ZNF605: variants seen among roughly 807,000 people sequenced by gnomAD.
ZNF605 encodes the protein zinc finger protein 605.
ZNF605 carries 9 observed loss-of-function variants against 7.9 expected under a neutral mutation model. The observed-to-expected ratio is 1.14, with a 90% CI of 0.68 to 1.98. The LOEUF is 1.98. Among genes scored for constraint, ZNF605 ranks in the 30% most tolerant of loss-of-function variants. The pLI is 0.00. For missense variants in ZNF605, 673 were observed against 762.4 expected (o/e 0.88, Z 1.38); for synonymous variants, 255 against 260.1 (o/e 0.98, Z 0.19).
chr12:132,939,073 G>C (rs1237657965), intron 3 of ZNF605, among the ~76,000 whole-genome samples: 1 of 151,636 alleles, frequency 6.6e-6, no homozygotes, highest in East Asian at 1.9e-4. Flanking sequence ...CAGCCTCCCT[G>C]ACGAGCACCA....
rs907038191 is a variant in ZNF605, at chr12:132,926,875, A to G, written c.424T>C (p.Tyr142His). The G allele has an allele frequency of 6.2e-7, 1 of 1,614,196 alleles. No homozygotes were observed. The highest frequency in any genetic ancestry group is 2.2e-5 in the East Asian group (1 of 44,886). ...TTTCTACATGTACTGCAATCACAGT[A>G]TTTTATCCCACCATGGGTTCTGCCA... ...KPGRTHGGIKYCDCSTCRKSS... is the reference protein window; with the variant it reads ...KPGRTHGGIKHCDCSTCRKSS... The change falls in exon 5 of 5, where the codon TAC becomes CAC. Residue 142 changes from tyrosine to histidine, a missense_variant. Physicochemically the swap from Tyr to His is moderately conservative, Grantham distance 83. Coordinates refer to ENST00000360187, the MANE Select transcript of ZNF605 (RefSeq NM_183238.4).
chr12:132,938,013 C>T (rs1179388593), intron 3 of ZNF605, among the ~76,000 whole-genome samples: 1 of 152,130 alleles, frequency 6.6e-6, no homozygotes, highest in Non-Finnish European at 1.5e-5. Flanking sequence ...GGGAGTCTCG[C>T]TCTGTCGCCC....
rs1952602729 is a variant in ZNF605 at position 132,953,957 on chromosome 12, C to G, written c.-286+2286G>C. 2.6e-5 allele frequency among the ~76,000 whole-genome samples: 4 copies of G among 152,070 alleles called. No individual in the cohort carries two copies. The South Asian group carries it at 8.3e-4, about 32-fold the overall frequency. On this transcript the variant is annotated intron_variant, in intron 1 of 4. Transcript: ENST00000360187. ...TCAGTCATTCAGTCATCTCTGGTACCCGGTCACTAATACAAACAAGCTCCT... is the reference window on the plus strand; with the variant it reads ...TCAGTCATTCAGTCATCTCTGGTACGCGGTCACTAATACAAACAAGCTCCT...
rs1952196884 is a variant in ZNF605, at chr12:132,920,631, T to C, written c.*4742A>G. The C allele has an allele frequency of 1.3e-5, 2 of 151,954 alleles. No homozygotes were observed. Among genetic ancestry groups the C allele is most frequent in the Admixed American group, 1.3e-4 (2 of 15,246 alleles). 9.4% of individuals were successfully genotyped at this position (151,954 alleles called of 1,614,324 possible). ...AATTTAAATTAATATGGTGATGGAG[T>C]GTGTGGCGTTGGAAGAAAACTTGTT... On this transcript the variant is annotated 3_prime_UTR_variant, in exon 5 of 5. Coordinates refer to ENST00000360187, the MANE Select transcript of ZNF605 (RefSeq NM_183238.4).
At chr12:132,947,988 G>A (rs916487164) in intron 2 of ZNF605, among the ~76,000 whole-genome samples, 160 bp downstream of exon 2, 2 of 152,030 alleles carry the variant, frequency 1.3e-5, no homozygotes, top group East Asian at 1.9e-4. Flanking sequence ...AAGTGCAGGC[G>A]GTATCTTTTC....
chr12:132,938,042 G>A (rs752249997), intron 3 of ZNF605, among the ~76,000 whole-genome samples: 54 of 152,032 alleles, frequency 3.6e-4, no homozygotes, highest in Admixed American at 5.9e-4. Context: ...GTGCAGTGGC[G>A]CGATCTCGGC....
At chr12:132,955,464 A>T (rs1312058023) in intron 1 of ZNF605, among the ~76,000 whole-genome samples, 1 of 152,180 alleles carries the variant, frequency 6.6e-6, no homozygotes, top group Non-Finnish European at 1.5e-5. Context: ...CCAGTCACCG[A>T]TGAGGCAAGC....
chr12:132,933,164 G>A lies in ZNF605; in HGVS notation c.16-9C>T. On this transcript the variant is annotated splice_polypyrimidine_tract_variant and intron_variant, in intron 3 of 4. Coordinates refer to ENST00000360187, the MANE Select transcript of ZNF605 (RefSeq NM_183238.4). The surrounding 1 kb of genome is among the most constrained non-coding windows in gnomAD (Gnocchi z 4.4). ...ACATCCTCAAATGATATCTGGAAAAGCATAATCCCTGTTAAACCTGAAGTG... is the reference window on the plus strand; with the variant it reads ...ACATCCTCAAATGATATCTGGAAAAACATAATCCCTGTTAAACCTGAAGTG... 6.3e-7 allele frequency: 1 copy of A among 1,599,562 alleles called. No individual in the cohort carries two copies. The highest frequency in any genetic ancestry group is 8.5e-7 in the Non-Finnish European group (1 of 1,173,358).
chr12:132,930,875 C>G (rs75758741), intron 4 of ZNF605, among the ~76,000 whole-genome samples: 5,965 of 152,136 alleles, frequency 0.039, 371 homozygotes, highest in African/African-American at 0.13. Flanking sequence ...GTGCATTATG[C>G]CTCACCCCTG....
chr12:132,939,361 TTA>T (rs1417158550), intron 3 of ZNF605, among the ~76,000 whole-genome samples: 3 of 151,638 alleles, frequency 2.0e-5, no homozygotes, highest in Admixed American at 6.6e-5. Context: ...TGGAGAACCT[TTA>T]TGTCTAGCTC....
At chr12:132,944,096 T>C (rs1952473822) in intron 3 of ZNF605, among the ~76,000 whole-genome samples, 1 of 152,204 alleles carries the variant, frequency 6.6e-6, no homozygotes, top group African/African-American at 2.4e-5. Context: ...TGAGCACATC[T>C]CCCTGTGACT....
Position 132,927,037 on chromosome 12 carries a change from C to T in ZNF605, c.262G>A (p.Val88Ile). The change falls in exon 5 of 5, where the codon GTA becomes ATA. Residue 88 changes from valine (V) to isoleucine (I), a missense_variant. Val to Ile is a conservative substitution (Grantham distance 29, BLOSUM62 3). Transcript: ENST00000360187. The part of the protein sequence containing the change: ...IFNSSINIVH[V>I]GLRSHKCGTG... ...CCACATTTATGGGATCGCAGTCCTA[C>T]ATGAACAATGTTTATGCTTGAATTA... 1 of 1,609,008 alleles carries T rather than the reference C, an allele frequency of 6.2e-7. No homozygotes were observed. The highest frequency in any genetic ancestry group is 8.5e-7 in the Non-Finnish European group (1 of 1,179,908).
intron 3 of ZNF605, among the ~76,000 whole-genome samples, chr12:132,940,090 C>T (rs1162067607): frequency 6.6e-6 from 1 of 152,182 alleles, no homozygotes; most frequent in Non-Finnish European, 1.5e-5. Flanking sequence ...GTCAGTGAGA[C>T]CAAGAACCCA....
At chr12:132,943,178 C>G (rs1381448796) in intron 3 of ZNF605, among the ~76,000 whole-genome samples, 1 of 151,894 alleles carries the variant, frequency 6.6e-6, no homozygotes, top group Non-Finnish European at 1.5e-5. Flanking sequence ...CTGGCTAACA[C>G]AGTGAAACCT....
At chr12:132,954,001 C>G (rs1202419601) in intron 1 of ZNF605, among the ~76,000 whole-genome samples, 2 of 151,982 alleles carry the variant, frequency 1.3e-5, no homozygotes, top group Non-Finnish European at 2.9e-5. Flanking sequence ...GGTTCCAACA[C>G]CCTCAAATAA....
Position 132,941,393 on chromosome 12 carries a change from C to T in ZNF605, c.15+4228G>A, listed in dbSNP as rs1593594981. ...ATTCTCGGCAGGTAGATCAATGTTT[C>T]GCTGTTTCCTTGTGGTTTGGCCCAG... On this transcript the variant is annotated intron_variant, in intron 3 of 4. Coordinates refer to ENST00000360187, the MANE Select transcript of ZNF605 (RefSeq NM_183238.4). The surrounding 1 kb of genome is among the most constrained non-coding windows in gnomAD (Gnocchi z 5.1). 4.6e-5 allele frequency among the ~76,000 whole-genome samples: 7 copies of T among 152,238 alleles called. No homozygotes were observed. The highest frequency in any genetic ancestry group is 3.9e-4 in the East Asian group (2 of 5,172).
Position 132,926,771 on chromosome 12 carries a change from T to A in ZNF605, c.528A>T (p.Arg176Ser), listed in dbSNP as rs1321505651. ...CAAGTTGTGACTTCTTGTTAAAAAA[T>A]CTGCCACATTCCATGCATAAATAGA... ...TGVYLCMECG[R>S]FFNKKSQLVI... Residue 176 changes from arginine (R) to serine (S), a missense_variant, in exon 5 of 5, where the codon AGA (arginine) becomes AGT (serine). Physicochemically the swap from Arg to Ser is moderately radical, Grantham distance 110. Coordinates refer to ENST00000360187, the MANE Select transcript of ZNF605 (RefSeq NM_183238.4). 2 of 1,613,786 alleles carry A rather than the reference T, an allele frequency of 1.2e-6. No homozygotes were observed. Among genetic ancestry groups the A allele is most frequent in the Admixed American group, 1.7e-5 (1 of 59,974 alleles).
intron 3 of ZNF605, among the ~76,000 whole-genome samples, chr12:132,942,983 T>C (rs920957765): frequency 1.3e-3 from 192 of 152,200 alleles, no homozygotes; most frequent in African/African-American, 4.5e-3. Flanking sequence ...GTCTGACCTA[T>C]TGGGGTCCAT....
At chr12:132,939,772 A>T (rs1027233152) in intron 3 of ZNF605, among the ~76,000 whole-genome samples, 4 of 152,160 alleles carry the variant, frequency 2.6e-5, no homozygotes, top group Admixed American at 2.0e-4. Context: ...AAATCTTGCT[A>T]CTGCTCACTC....
Sources: gnomAD v4.1 joint callset for allele counts (sites outside exome capture counted in the v4.1 genomes callset) on GRCh38, gnomAD v4.1.1 for gene constraint, Gnocchi (gnomAD v3.1) non-coding constraint, MANE v1.5 for transcripts, NCBI Gene and HGNC (gene_info 2026-07-23, HGNC 2026-07-21) for gene names.